The following KLF8 variants were observed in gnomAD, a reference collection of about 807,000 sequenced individuals.
KLF8 encodes Krueppel-like factor 8.
Under a neutral mutation model 18.2 loss-of-function variants are expected in KLF8, and 10 were observed. The observed-to-expected ratio is 0.55, with a 90% CI of 0.34 to 0.93. KLF8 has a LOEUF of 0.93. Among genes scored for constraint, KLF8 ranks in the 40% least tolerant of loss-of-function variants. KLF8 has a pLI of 0.02. For synonymous variants in KLF8, 109 were observed against 97.3 expected (o/e 1.12, Z -0.71); for missense variants, 264 against 277.9 (o/e 0.95, Z 0.36).
chrX:56,109,859 C>T, the KLF8 span, among the ~76,000 whole-genome samples: 2 of 110,449 alleles, frequency 1.8e-5, no homozygotes, highest in South Asian at 3.9e-4. Flanking sequence ...CACGTGCCAT[C>T]GTGGTTTGCT....
the KLF8 span, among the ~76,000 whole-genome samples, chrX:56,218,786 G>A: frequency 1.8e-5 from 2 of 111,909 alleles, no homozygotes; most frequent in African/African-American, 6.5e-5. Context: ...GCTGTAAAAG[G>A]CTTTTTGAGG....
chrX:56,261,115 G>A (rs1166787627), intron 2 of KLF8, among the ~76,000 whole-genome samples: 1 of 111,754 alleles, frequency 8.9e-6, no homozygotes, highest in Admixed American at 9.5e-5. Context: ...AGAATTGAGA[G>A]GGGTGTTTCC....
chrX:56,020,687 A>G, the KLF8 span, among the ~76,000 whole-genome samples: 1 of 111,877 alleles, frequency 8.9e-6, no homozygotes, highest in Non-Finnish European at 1.9e-5. Context: ...CTTCCGGAAC[A>G]TTTAGATAGA....
chrX:56,257,258 G>C (rs776324154), intron 2 of KLF8, among the ~76,000 whole-genome samples: 25 of 111,254 alleles, frequency 2.2e-4, no homozygotes, highest in African/African-American at 7.2e-4. Context: ...TTGTGCTGGG[G>C]AAAACAATGT....
chrX:56,264,264 TA>T (rs906394326), intron 2 of KLF8, among the ~76,000 whole-genome samples: 11 of 110,911 alleles, frequency 9.9e-5, no homozygotes, highest in Non-Finnish European at 1.5e-4. Flanking sequence ...ATTAGTTTTT[TA>T]AAAAAAGTAT....
chrX:56,091,086 T>C, the KLF8 span, among the ~76,000 whole-genome samples: 1 of 111,499 alleles, frequency 9.0e-6, no homozygotes, highest in Non-Finnish European at 1.9e-5. Context: ...TGATATGGTT[T>C]TGCTCTGTGT....
At chrX:56,025,056 G>A in the KLF8 span, among the ~76,000 whole-genome samples, 2 of 112,281 alleles carry the variant, frequency 1.8e-5, no homozygotes, top group African/African-American at 6.5e-5. Context: ...TCAGGAACTG[G>A]GTCCGTAGGG....
At chrX:56,103,115 C>A in the KLF8 span, among the ~76,000 whole-genome samples, 12 of 109,864 alleles carry the variant, frequency 1.1e-4, no homozygotes, top group Non-Finnish European at 1.7e-4. Context: ...TTACTGTAGC[C>A]TTGTAGTATA....
chrX:55,917,232 A>G, the KLF8 span, among the ~76,000 whole-genome samples: 510 of 112,252 alleles, frequency 4.5e-3, 1 homozygote, highest in Non-Finnish European at 8.0e-3. Context: ...AGCCAAAATG[A>G]AGCAACTTCC....
the KLF8 span, among the ~76,000 whole-genome samples, chrX:56,167,763 C>T: frequency 3.6e-5 from 4 of 112,287 alleles, no homozygotes; most frequent in Non-Finnish European, 7.5e-5. Context: ...TAATTTAATT[C>T]TCACAGTAAA....
the KLF8 span, among the ~76,000 whole-genome samples, chrX:56,203,936 AAT>A: frequency 1.8e-5 from 2 of 110,983 alleles, no homozygotes; most frequent in Non-Finnish European, 3.8e-5. Flanking sequence ...TGCATTTTGG[AAT>A]AGTTTTTTCT....
the KLF8 span, among the ~76,000 whole-genome samples, chrX:56,036,383 G>A: frequency 9.9e-5 from 11 of 111,654 alleles, no homozygotes; most frequent in East Asian, 3.1e-3. Context: ...GTCTAGTTTT[G>A]TTCTTCCATA....
chrX:56,196,784 C>T, the KLF8 span, among the ~76,000 whole-genome samples: 1 of 111,942 alleles, frequency 8.9e-6, no homozygotes. Flanking sequence ...CCCAAATCAA[C>T]AGAATATACA....
chrX:56,169,974 G>A, the KLF8 span, among the ~76,000 whole-genome samples: 1 of 111,588 alleles, frequency 9.0e-6, no homozygotes, highest in Non-Finnish European at 1.9e-5. Flanking sequence ...ACCCTCAGTT[G>A]CAGGTGGATC....
chrX:55,968,901 G>T, the KLF8 span, among the ~76,000 whole-genome samples: 6 of 111,677 alleles, frequency 5.4e-5, no homozygotes, highest in African/African-American at 2.0e-4. Context: ...TCAGCAGGAG[G>T]TTATAACAAT....
the KLF8 span, among the ~76,000 whole-genome samples, chrX:56,161,423 G>T: frequency 9.0e-6 from 1 of 111,443 alleles, no homozygotes; most frequent in Non-Finnish European, 1.9e-5. Flanking sequence ...CTTAGATTTG[G>T]TCTTTTCACA....
At chrX:56,283,290 T>G (rs770663502) in intron 5 of KLF8, among the ~76,000 whole-genome samples, 58 of 112,434 alleles carry the variant, frequency 5.2e-4, no homozygotes, top group African/African-American at 1.9e-3. Flanking sequence ...TTTCTAACCT[T>G]ACACAAAAGA....
chrX:56,016,334 A>G, the KLF8 span, among the ~76,000 whole-genome samples: 1 of 112,408 alleles, frequency 8.9e-6, no homozygotes, highest in Non-Finnish European at 1.9e-5. Context: ...GAGATTCCCA[A>G]TGCTGAAGCC....
At chrX:56,165,221 G>A in the KLF8 span, among the ~76,000 whole-genome samples, 3 of 111,324 alleles carry the variant, frequency 2.7e-5, no homozygotes, top group Non-Finnish European at 5.6e-5. Context: ...AATCTCAATT[G>A]CAGTTTAGTA....
Sources: gnomAD v4.1 joint callset for allele counts (sites outside exome capture counted in the v4.1 genomes callset) on GRCh38, gnomAD v4.1.1 for gene constraint, MANE v1.5 for transcripts, NCBI Gene and HGNC (gene_info 2026-07-23, HGNC 2026-07-21) for gene names.